The following REXO1 variants were observed in gnomAD, a reference collection of about 807,000 sequenced individuals.
The protein encoded by REXO1 is RNA exonuclease 1 homolog, also known as REX1, RNA exonuclease 1 homolog.
In REXO1, 42 loss-of-function variants were observed where a neutral mutation model predicts 102.6. The ratio of observed to expected loss-of-function variants is 0.41; its 90% CI spans 0.32 to 0.53. REXO1 has a LOEUF of 0.53. REXO1 is among the 20% of genes least tolerant of loss of function. The pLI is 0.27. For synonymous variants in REXO1, 908 were observed against 779.1 expected (o/e 1.17, Z -2.76); for missense variants, 1,819 against 1,732.5 (o/e 1.05, Z -0.89).
chr19:1,823,612 C>T lies in REXO1; in HGVS notation c.2190G>A (p.Lys730=). The part of the protein sequence containing the change: ...PSVHISAPGE[K]RRIAHIPNPR... ...GGTTGGGGATGTGGGCGATCCTCCTCTTCTCGCCAGGGGCGGAAATGTGGA... is the reference window on the plus strand; with the variant it reads ...GGTTGGGGATGTGGGCGATCCTCCTTTTCTCGCCAGGGGCGGAAATGTGGA... Residue 730 remains lysine, a synonymous_variant, in exon 4 of 16, where the codon AAG becomes AAA. Transcript: ENST00000170168. 5 of 1,323,572 alleles carry T rather than the reference C, an allele frequency of 3.8e-6. No individual in the cohort carries two copies. Among genetic ancestry groups the T allele is most frequent in the Middle Eastern group, 2.2e-4 (1 of 4,632 alleles). The allele number at this position is 1,323,572 out of a possible 1,614,324, so 82.0% of individuals were successfully genotyped here. A position where few individuals can be genotyped will look rare whatever the true frequency, so the allele number is the denominator to read the frequency against.
rs773229576 is a variant in REXO1 at position 1,818,788 on chromosome 19, C to T, written c.2820G>A (p.Lys940=). The part of the protein sequence containing the change: ...REYLLTQDQL[K]ENGYPFPHPE... ...GGTGCGGGAAGGGGTAGCCGTTCTC[C>T]TTGAGCTGGTCCTGGGTGAGCAGGT... The change falls in exon 9 of 16, where the codon AAG becomes AAA. Residue 940 remains lysine, a synonymous_variant. Coordinates refer to ENST00000170168, the MANE Select transcript of REXO1 (RefSeq NM_020695.4). The T allele has an allele frequency of 1.2e-6, 2 of 1,609,910 alleles. No individual in the cohort carries two copies. Among genetic ancestry groups the T allele is most frequent in the Non-Finnish European group, 1.7e-6 (2 of 1,179,890 alleles).
At chr19:1,847,466 A>G (rs1323576928) in intron 1 of REXO1, among the ~76,000 whole-genome samples, 2 of 151,726 alleles carry the variant, frequency 1.3e-5, no homozygotes, top group East Asian at 3.9e-4. Flanking sequence ...ATGACATCAC[A>G]CTCGATAACC....
In REXO1 at chr19:1,827,757, G is replaced by A. The variant is rs566014611; in HGVS notation, c.1032C>T (p.Cys344=). ...GGGGCGGCTGGAGGTCCCCCACGTC[G>A]CACTGCACGGCCGTCTCCTTGGTCT... is the stretch of plus-strand genomic sequence containing the variant. ...LRETKETAVQ[C]DVGDLQPPPA... is the part of the protein sequence containing the mutation. Residue 344 remains cysteine, a synonymous_variant, in exon 2 of 16, where the codon TGC becomes TGT. Transcript: ENST00000170168. The A allele has an allele frequency of 7.1e-5, 112 of 1,574,244 alleles. No individual in the cohort carries two copies. The South Asian group carries it at 1.0e-3, about 15-fold the overall frequency.
At position 1,817,713 on chromosome 19, in the gene REXO1, G is replaced by T. The variant is rs368801660; in HGVS notation, c.3084C>A (p.Val1028=). 2.5e-6 allele frequency: 4 copies of T among 1,612,306 alleles called. No individual in the cohort carries two copies. The highest frequency in any genetic ancestry group is 2.2e-5 in the South Asian group (2 of 90,840). The change falls in exon 11 of 16, where the codon GTC becomes GTA. Residue 1028 remains valine (V), a synonymous_variant. Transcript: ENST00000170168. ...SAAAGSVGCQ[V]AKQHVQDGRK... Reference sequence around the variant, plus strand: ...CTGGGACGCCAGGGCTCACCTTTGCGACTTGGCAGCCGACAGAGCCGGCGG... The same window carrying T: ...CTGGGACGCCAGGGCTCACCTTTGCTACTTGGCAGCCGACAGAGCCGGCGG...
In REXO1 at chr19:1,826,837, T is replaced by C. The variant is rs1249002129; in HGVS notation, c.1911+41A>G. 1.9e-6 allele frequency: 3 copies of C among 1,545,944 alleles called. No individual in the cohort carries two copies. The highest frequency in any genetic ancestry group is 2.6e-6 in the Non-Finnish European group (3 of 1,147,168). On this transcript the variant is annotated intron_variant, in intron 2 of 15. Coordinates refer to ENST00000170168, the MANE Select transcript of REXO1 (RefSeq NM_020695.4). The surrounding 1 kb of genome is among the most constrained non-coding windows in gnomAD (Gnocchi z 4.3). ...AGGTCTCTCACCAGGCCCTCGGCTC[T>C]GCCTCTGCCCGAGCCCAGCCCCAGC... is the stretch of plus-strand genomic sequence containing the variant.
chr19:1,823,393 C>T (rs1200600928), intron 4 of REXO1, 179 bp downstream of exon 4: 7 of 414,894 alleles, frequency 1.7e-5, no homozygotes, highest in East Asian at 7.1e-5. Flanking sequence ...AGGCCTCCTG[C>T]ACCCCTCAAC....
Position 1,816,370 on chromosome 19 carries a change from G to A in REXO1, c.3457-25C>T, listed in dbSNP as rs562986394. ...CCTGTGGGCAGCGGCAGAGATCAGC[G>A]CACGTGGGGCCTGCGCAGGTCCTGC... On this transcript the variant is annotated intron_variant, in intron 14 of 15. Coordinates refer to ENST00000170168, the MANE Select transcript of REXO1 (RefSeq NM_020695.4). 12 of 1,591,808 alleles carry A rather than the reference G, an allele frequency of 7.5e-6. No homozygotes were observed. The South Asian group carries it at 9.0e-5, about 12-fold the overall frequency.
intron 1 of REXO1, among the ~76,000 whole-genome samples, chr19:1,831,386 AGCGTGCTAAGACTTCCGT>A (rs1257754202): frequency 6.6e-6 from 1 of 152,154 alleles, no homozygotes; most frequent in Non-Finnish European, 1.5e-5. Context: ...CGACCCCCAC[AGCGTGCTAAGACTTCCGT>A]GCAGAGAAAT....
At chr19:1,830,806 A>G in intron 1 of REXO1, 1 of 180,924 alleles carries the variant, frequency 5.5e-6, no homozygotes, top group Non-Finnish European at 1.2e-5. Flanking sequence ...CGGAATCCTC[A>G]GAACCCGTGC....
rs569506457 is a variant in REXO1 at position 1,823,860 on chromosome 19, G to A, written c.2017-75C>T. 337 of 681,708 alleles carry A rather than the reference G, an allele frequency of 4.9e-4. 4 individuals are homozygous for A. The East Asian group carries it at 0.011, about 22-fold the overall frequency. 42.2% of individuals were successfully genotyped at this position (681,708 alleles called of 1,614,324 possible). ...AGCAGGCGACCCCGGGCAGGCTTGG[G>A]AGAGGGTGGCTGGAGCTCGGGGGCC... On this transcript the variant is annotated intron_variant, in intron 3 of 15. Transcript: ENST00000170168.
intron 9 of REXO1, 50 bp downstream of exon 9, chr19:1,818,656 G>C (rs2069441472): frequency 6.2e-7 from 1 of 1,608,714 alleles, no homozygotes; most frequent in Non-Finnish European, 8.5e-7. Context: ...GCCCGGCCTT[G>C]CCCACATCCC....
chr19:1,816,521 C>T lies in REXO1; in HGVS notation c.3366G>A (p.Leu1122=), dbSNP rs755710250. The change falls in exon 14 of 16, where the codon CTG becomes CTA. Residue 1122 remains leucine, a synonymous_variant. Coordinates refer to ENST00000170168, the MANE Select transcript of REXO1 (RefSeq NM_020695.4). ...EADLADTSVT[L]RDVQAVLLSM... is the part of the protein sequence containing the mutation. ...TCAGCAGAACGGCCTGGACGTCACG[C>T]AGCGTGACACTTGTGTCGGCAAGGT... 6.8e-6 allele frequency: 11 copies of T among 1,611,928 alleles called. No individual in the cohort carries two copies. The highest frequency in any genetic ancestry group is 1.6e-4 in the Middle Eastern group (1 of 6,080).
In REXO1 at chr19:1,827,643, C is replaced by A; in HGVS notation, c.1146G>T (p.Gly382=). The A allele has an allele frequency of 6.4e-7, 1 of 1,570,820 alleles. No homozygotes were observed. The highest frequency in any genetic ancestry group is 8.5e-7 in the Non-Finnish European group (1 of 1,171,962). Reference sequence around the variant, plus strand: ...CTTTGCAGCTGGGGGCAGGTGGGGCCCCGGTTTTTTTCTTCTTGGGTTTTC... The same window carrying A: ...CTTTGCAGCTGGGGGCAGGTGGGGCACCGGTTTTTTTCTTCTTGGGTTTTC... ...KEGKPKKKKT[G]APPAPSCKDG... is the part of the protein sequence containing the mutation. Residue 382 remains glycine, a synonymous_variant, in exon 2 of 16, where the codon GGG becomes GGT. Coordinates refer to ENST00000170168, the MANE Select transcript of REXO1 (RefSeq NM_020695.4).
chr19:1,841,744 G>A (rs1169996397), intron 1 of REXO1, among the ~76,000 whole-genome samples: 3 of 152,080 alleles, frequency 2.0e-5, no homozygotes, highest in African/African-American at 4.8e-5. Flanking sequence ...AGCGGCTCAG[G>A]CACTGCAAGA....
At chr19:1,818,363 G>T in intron 10 of REXO1, 119 bp downstream of exon 10, 1 of 725,410 alleles carries the variant, frequency 1.4e-6, no homozygotes, top group Non-Finnish European at 2.3e-6. Flanking sequence ...GCAGCCCAGG[G>T]ACCCTGAGTG....
intron 5 of REXO1, among the ~76,000 whole-genome samples, 163 bp downstream of exon 5, chr19:1,821,356 A>C (rs1355769239): frequency 6.6e-6 from 1 of 151,778 alleles, no homozygotes; most frequent in Non-Finnish European, 1.5e-5. Flanking sequence ...AAAAAAAAAA[A>C]AAAACACCAA....
rs2069782241 is a variant in REXO1, at chr19:1,827,765, C to T, written c.1024G>A (p.Val342Met). ...TGGAGGTCCCCCACGTCGCACTGCA[C>T]GGCCGTCTCCTTGGTCTCCCGCAGG... ...GGLRETKETA[V>M]QCDVGDLQPP... Residue 342 changes from valine (V) to methionine (M), a missense_variant, in exon 2 of 16, where the codon GTG (valine) becomes ATG (methionine). Coordinates refer to ENST00000170168, the MANE Select transcript of REXO1 (RefSeq NM_020695.4). 1.9e-6 allele frequency: 3 copies of T among 1,579,682 alleles called. No homozygotes were observed. The highest frequency in any genetic ancestry group is 1.1e-5 in the South Asian group (1 of 88,438).
At chr19:1,822,108 GGGA>G (rs1461111919) in intron 4 of REXO1, 6 of 417,330 alleles carry the variant, frequency 1.4e-5, no homozygotes, top group Non-Finnish European at 2.5e-5. Flanking sequence ...ACAAACCAGA[GGGA>G]GGAGGCCAGG....
chr19:1,837,517 C>T (rs116252480), intron 1 of REXO1, among the ~76,000 whole-genome samples: 184 of 152,302 alleles, frequency 1.2e-3, no homozygotes, highest in African/African-American at 4.3e-3. Context: ...CAGCCAGTGC[C>T]GGGGGCCTGG....
Sources: gnomAD v4.1 joint callset for allele counts (sites outside exome capture counted in the v4.1 genomes callset) on GRCh38, gnomAD v4.1.1 for gene constraint, Gnocchi (gnomAD v3.1) non-coding constraint, MANE v1.5 for transcripts, NCBI Gene and HGNC (gene_info 2026-07-23, HGNC 2026-07-21) for gene names.